SLC26A7: variants seen among roughly 807,000 people sequenced by gnomAD.
SLC26A7 encodes the protein anion exchange transporter.
Under a neutral mutation model 82.5 loss-of-function variants are expected in SLC26A7, and 59 were observed. The observed-to-expected ratio is 0.72, with a 90% confidence interval of 0.58 to 0.89. The LOEUF (loss-of-function observed/expected upper bound fraction) is 0.89, where lower values mean the gene tolerates loss of function less well. SLC26A7 is among the 40% of genes least tolerant of loss of function. SLC26A7 has a pLI of 0.00. For synonymous variants in SLC26A7, 271 were observed against 274.3 expected (o/e 0.99, Z 0.12); for missense variants, 820 against 793.0 (o/e 1.03, Z -0.41).
intron 7 of SLC26A7, among the ~76,000 whole-genome samples, chr8:91,339,028 A>G (rs556020414): frequency 6.6e-5 from 10 of 152,304 alleles, no homozygotes; most frequent in African/African-American, 2.4e-4. Context: ...TAAAAATCCT[A>G]TCTTTAGCAC....
chr8:91,292,071 C>T (rs984905038), intron 3 of SLC26A7, among the ~76,000 whole-genome samples: 5 of 151,922 alleles, frequency 3.3e-5, no homozygotes, highest in Non-Finnish European at 5.9e-5. Context: ...TTTGGGAGGC[C>T]GAAGCAGGCA....
rs559699216 is a variant in SLC26A7 at position 91,277,935 on chromosome 8, G to A, written c.194-11201G>A. Among the ~76,000 whole-genome samples the A allele has an allele frequency of 3.3e-5, 5 of 152,200 alleles. No homozygotes were observed. The South Asian group carries it at 6.2e-4, about 19-fold the overall frequency. The stretch of plus-strand genomic sequence containing the variant: ...TCATTAGGGAGTGTAAACCAAGAGG[G>A]CAGGAGCTAGAGACTAGGAGGGAGA... On this transcript the variant is annotated intron_variant, in intron 2 of 18. Coordinates refer to ENST00000276609, the MANE Select transcript of SLC26A7 (RefSeq NM_052832.4).
At chr8:91,298,553 G>A (rs1039112869) in intron 4 of SLC26A7, among the ~76,000 whole-genome samples, 3 of 152,066 alleles carry the variant, frequency 2.0e-5, no homozygotes, top group Non-Finnish European at 2.9e-5. Flanking sequence ...AGTCATCATT[G>A]TACCTAGCAT....
chr8:91,326,428 C>T (rs983739146), intron 5 of SLC26A7, among the ~76,000 whole-genome samples: 1 of 152,156 alleles, frequency 6.6e-6, no homozygotes, highest in Non-Finnish European at 1.5e-5. Flanking sequence ...TTGCTGCTTC[C>T]TCACATGGTG....
intron 2 of SLC26A7, among the ~76,000 whole-genome samples, chr8:91,237,775 A>ACC (rs1240349126): frequency 6.6e-6 from 1 of 152,178 alleles, no homozygotes; most frequent in Non-Finnish European, 1.5e-5. Context: ...TGGTTTCTGC[A>ACC]CCCAACATTG....
intron 4 of SLC26A7, among the ~76,000 whole-genome samples, chr8:91,314,831 AT>A (rs1257930161): frequency 6.6e-6 from 1 of 151,990 alleles, no homozygotes; most frequent in Non-Finnish European, 1.5e-5. Context: ...AGAGAGGATA[AT>A]TCATCTTTTC....
chr8:91,332,713 A>G lies in SLC26A7; in HGVS notation c.643-1582A>G, dbSNP rs531408378. Among the ~76,000 whole-genome samples, 7 of 151,412 alleles carry G rather than the reference A, an allele frequency of 4.6e-5. No individual in the cohort carries two copies. In the South Asian group the frequency reaches 8.4e-4, roughly 18 times the overall value. ...ACCCAGCTAATTTTTTAAATTTTTC[A>G]TAGGGAAAGAGTCTTGCTGTATTGC... On this transcript the variant is annotated intron_variant, in intron 5 of 18. Transcript: ENST00000276609.
intron 4 of SLC26A7, among the ~76,000 whole-genome samples, chr8:91,302,453 A>T (rs923638538): frequency 6.6e-6 from 1 of 152,066 alleles, no homozygotes; most frequent in Non-Finnish European, 1.5e-5. Flanking sequence ...CTCTGTTACC[A>T]TTTGATTTAT....
At chr8:91,309,968 CATTT>C (rs1312357028) in intron 4 of SLC26A7, among the ~76,000 whole-genome samples, 1 of 152,122 alleles carries the variant, frequency 6.6e-6, no homozygotes, top group African/African-American at 2.4e-5. Context: ...TAAACTCTGC[CATTT>C]TGCCTCTGAA....
At chr8:91,277,582 AC>A (rs550541872) in intron 2 of SLC26A7, among the ~76,000 whole-genome samples, 18 of 152,194 alleles carry the variant, frequency 1.2e-4, no homozygotes, top group Non-Finnish European at 2.6e-4. Context: ...CAAAATACTG[AC>A]ATTGATGGAC....
At chr8:91,366,459 T>C in intron 13 of SLC26A7, 121 bp from the exon 14 acceptor site, 1 of 1,081,696 alleles carries the variant, frequency 9.2e-7, no homozygotes, top group Non-Finnish European at 1.3e-6. Context: ...TCTAAATACA[T>C]TTTAGTAATA....
intron 3 of SLC26A7, 66 bp downstream of exon 3, chr8:91,289,312 T>A: frequency 1.6e-6 from 2 of 1,217,978 alleles, no homozygotes; most frequent in Non-Finnish European, 2.4e-6. Flanking sequence ...TATTACTGAT[T>A]ACATCTCCTT....
At position 91,343,404 on chromosome 8, in the gene SLC26A7, A is replaced by G. The variant is rs762222560; in HGVS notation, c.1078A>G (p.Ile360Val). Residue 360 changes from isoleucine to valine, a missense_variant, in exon 9 of 19, where the codon ATA becomes GTA. Transcript: ENST00000276609. Reference sequence around the variant, plus strand: ...TATAGTTTCTTCATTTTTCTTCTGCATACCAAGTGCTGCTGCCATGGGAAG... The same window carrying G: ...TATAGTTTCTTCATTTTTCTTCTGCGTACCAAGTGCTGCTGCCATGGGAAG... The part of the protein sequence containing the change: ...SNIVSSFFFC[I>V]PSAAAMGRTA... 9 of 1,613,138 alleles carry G rather than the reference A, an allele frequency of 5.6e-6. 1 individual carries two copies. The South Asian group carries it at 8.8e-5, about 16-fold the overall frequency.
chr8:91,229,697 A>G (rs775337003), intron 2 of SLC26A7, among the ~76,000 whole-genome samples: 5 of 152,176 alleles, frequency 3.3e-5, no homozygotes, highest in Non-Finnish European at 7.3e-5. Context: ...AGACTTTGGC[A>G]AATACATTCC....
rs771372610 is a variant in SLC26A7 at position 91,249,732 on chromosome 8, G to T, written c.81G>T (p.Trp27Cys). The change falls in exon 2 of 19, where the codon TGG becomes TGT. Residue 27 changes from tryptophan (W) to cysteine (C), a missense_variant. Physicochemically the swap from Trp to Cys is radical, Grantham distance 215. Coordinates refer to ENST00000276609, the MANE Select transcript of SLC26A7 (RefSeq NM_052832.4). ...CCCAGTGTGAAGACATTATACAGTG[G>T]TGTAGAAGGCGACTGCCCATTTTGG... is the stretch of plus-strand genomic sequence containing the variant. The part of the protein sequence containing the change: ...HTPQCEDIIQ[W>C]CRRRLPILDW... The T allele has an allele frequency of 6.2e-7, 1 of 1,612,276 alleles. No homozygotes were observed. Among genetic ancestry groups the T allele is most frequent in the Non-Finnish European group, 8.5e-7 (1 of 1,179,070 alleles).
upstream of SLC26A7, among the ~76,000 whole-genome samples, chr8:91,247,469 G>C (rs950830536): frequency 6.6e-6 from 1 of 151,858 alleles, no homozygotes; most frequent in African/African-American, 2.4e-5. Context: ...CATGATCCAT[G>C]CTCTGGTTTG....
intron 6 of SLC26A7, 34 bp downstream of exon 6, chr8:91,334,481 T>C (rs1813185787): frequency 1.3e-6 from 2 of 1,581,830 alleles, no homozygotes; most frequent in Non-Finnish European, 8.6e-7. Flanking sequence ...CTTTTTGCCA[T>C]GCAAAGCTTT....
At chr8:91,347,748 T>A (rs1018074726) in intron 9 of SLC26A7, among the ~76,000 whole-genome samples, 3 of 152,204 alleles carry the variant, frequency 2.0e-5, no homozygotes, top group African/African-American at 7.2e-5. Flanking sequence ...GTCATCAGAC[T>A]CATTTCTATC....
chr8:91,386,991 AC>A (rs1272796990), intron 15 of SLC26A7, among the ~76,000 whole-genome samples: 1 of 152,160 alleles, frequency 6.6e-6, no homozygotes, highest in Admixed American at 6.5e-5. Context: ...TTGTAAGAAA[AC>A]ATCTAACTCC....
Sources: gnomAD v4.1 joint callset for allele counts (sites outside exome capture counted in the v4.1 genomes callset) on GRCh38, gnomAD v4.1.1 for gene constraint, MANE v1.5 for transcripts, NCBI Gene and HGNC (gene_info 2026-07-23, HGNC 2026-07-21) for gene names.